The following MSL1 variants were observed in gnomAD, a reference collection of about 807,000 sequenced individuals.
MSL1 encodes MSL complex subunit 1.
In MSL1, 21 loss-of-function variants were observed where a neutral mutation model predicts 64.6. The observed-to-expected ratio is 0.33, with a 90% CI of 0.23 to 0.47. The LOEUF is 0.47. Among genes scored for constraint, MSL1 ranks in the 20% least tolerant of loss-of-function variants. The pLI, the probability that MSL1 is intolerant of heterozygous loss-of-function variation, is 1.00. For synonymous variants in MSL1, 339 were observed against 329.6 expected (o/e 1.03, Z -0.31); for missense variants, 664 against 793.2 (o/e 0.84, Z 1.96).
rs1239011679 is a variant in MSL1, at chr17:40,122,497, G to A, written c.-116G>A. ...CGCGCTAGCGGAGGCCTGCTGCCGC[G>A]CTGCTGAGGCGAGCCCGCCAAACTC... On this transcript the variant is annotated 5_prime_UTR_variant, in exon 1 of 9. Coordinates refer to ENST00000398532, the MANE Select transcript of MSL1 (RefSeq NM_001365919.1). This position sits in a 1 kb window ranked among gnomAD's most constrained non-coding sequence, Gnocchi z 4.2. 2.8e-6 allele frequency: 2 copies of A among 708,210 alleles called. No individual in the cohort carries two copies. Among genetic ancestry groups the A allele is most frequent in the South Asian group, 3.5e-5 (1 of 28,318 alleles). 43.9% of individuals were successfully genotyped at this position (708,210 alleles called of 1,614,324 possible). A position where few individuals can be genotyped will look rare whatever the true frequency, so the allele number is the denominator to read the frequency against.
At chr17:40,130,733 C>A (rs571539009) in intron 3 of MSL1, among the ~76,000 whole-genome samples, 6 of 152,348 alleles carry the variant, frequency 3.9e-5, no homozygotes, top group Admixed American at 3.9e-4. Context: ...GGATCCTGAT[C>A]TAGGTTCAGA....
At position 40,129,238 on chromosome 17, in the gene MSL1, C is replaced by A; in HGVS notation, c.993-7C>A. The A allele has an allele frequency of 6.5e-7, 1 of 1,534,444 alleles. No homozygotes were observed. The highest frequency in any genetic ancestry group is 2.3e-5 in the East Asian group (1 of 43,802). On this transcript the variant is annotated splice_region_variant and splice_polypyrimidine_tract_variant and intron_variant, in intron 2 of 8. Transcript: ENST00000398532. ...AATTTTATAATGTTTTCTTCCCTATCTAATAGGAAATCCCCATTTGGAAGT... is the reference window on the plus strand; with the variant it reads ...AATTTTATAATGTTTTCTTCCCTATATAATAGGAAATCCCCATTTGGAAGT...
rs372766568 is a variant in MSL1, at chr17:40,134,354, G to A, written c.1830G>A (p.Arg610=). ...LEIQKKQTPH[R]TCRK is the part of the protein sequence containing the mutation. ...TCCAGAAGAAGCAAACACCTCACCGGACGTGTAGGAAATAGCTGTGCTGGC... is the reference window on the plus strand; with the variant it reads ...TCCAGAAGAAGCAAACACCTCACCGAACGTGTAGGAAATAGCTGTGCTGGC... The change falls in exon 9 of 9, where the codon CGG becomes CGA. Residue 610 remains arginine, a synonymous_variant. Coordinates refer to ENST00000398532, the MANE Select transcript of MSL1 (RefSeq NM_001365919.1). 5.7e-5 allele frequency: 89 copies of A among 1,554,942 alleles called. No individual in the cohort carries two copies. The highest frequency in any genetic ancestry group is 7.3e-5 in the Non-Finnish European group (84 of 1,148,816).
Position 40,131,586 on chromosome 17 carries a change from T to C in MSL1, c.1423+2T>C. 6.2e-7 allele frequency: 1 copy of C among 1,613,542 alleles called. No individual in the cohort carries two copies. Among genetic ancestry groups the C allele is most frequent in the South Asian group, 1.1e-5 (1 of 91,052 alleles). On this transcript the variant is annotated splice_donor_variant, in intron 4 of 8. Transcript: ENST00000398532. LOFTEE classifies it high-confidence loss of function. The surrounding 1 kb of genome is among the most constrained non-coding windows in gnomAD (Gnocchi z 4.5). ...CAGGAGAAACTTCAGTCTTGGCTGG[T>C]GAGTAGAATAGGAATTGTGCTGGCT... is the stretch of plus-strand genomic sequence containing the variant.
intron 8 of MSL1, 47 bp downstream of exon 8, chr17:40,133,946 T>A: frequency 6.6e-7 from 1 of 1,504,002 alleles, no homozygotes; most frequent in Non-Finnish European, 9.3e-7. Context: ...CTGCACATCC[T>A]TTTCAGACTT....
chr17:40,122,389 C>A lies in MSL1; in HGVS notation c.-224C>A. 3.2e-6 allele frequency: 1 copy of A among 308,452 alleles called. No individual in the cohort carries two copies. The highest frequency in any genetic ancestry group is 5.9e-6 in the Non-Finnish European group (1 of 169,032). The allele number at this position is 308,452 out of a possible 1,614,324, so 19.1% of individuals were successfully genotyped here. On this transcript the variant is annotated 5_prime_UTR_variant, in exon 1 of 9. Coordinates refer to ENST00000398532, the MANE Select transcript of MSL1 (RefSeq NM_001365919.1). The surrounding 1 kb of genome is among the most constrained non-coding windows in gnomAD (Gnocchi z 4.2). ...GGCGGCAGCAGAGGCGGCGGCGAGG[C>A]CCCCATGGGCCGGCGGCGGGCCTCA...
Position 40,133,886 on chromosome 17 carries a change from A to C in MSL1, c.1741A>C (p.Lys581Gln). 6.2e-7 allele frequency: 1 copy of C among 1,613,824 alleles called. No homozygotes were observed. The highest frequency in any genetic ancestry group is 1.1e-5 in the South Asian group (1 of 91,080). Reference protein sequence around the residue: ...PVVAFGRPLPKLTPQNFELPW... With the variant: ...PVVAFGRPLPQLTPQNFELPW... ...TGTAGCATTTGGACGACCATTACCA[A>C]AATTAACTCCACAGTAAGTATACAT... Residue 581 changes from lysine (K) to glutamine (Q), a missense_variant, in exon 8 of 9, where the codon AAA (lysine) becomes CAA (glutamine). By Grantham distance (53) the Lys-to-Gln change is moderately conservative. Transcript: ENST00000398532.
intron 1 of MSL1, among the ~76,000 whole-genome samples, chr17:40,123,964 T>A (rs1175128416): frequency 6.6e-6 from 1 of 152,182 alleles, no homozygotes; most frequent in African/African-American, 2.4e-5. Context: ...GAACCTGAGT[T>A]CTAATACATG....
At position 40,135,838 on chromosome 17, in the gene MSL1, TTTGTG is replaced by T. The variant is rs1011026987; in HGVS notation, c.*1471_*1475del. ...TGATCTTGCTGCTCTTATTTCTCCT[TTTGTG>T]TGTGTGTGTGTGTGTGTGTGGCTAT... On this transcript the variant is annotated 3_prime_UTR_variant, in exon 9 of 9. Coordinates refer to ENST00000398532, the MANE Select transcript of MSL1 (RefSeq NM_001365919.1). 1.5e-4 allele frequency: 22 copies of T among 148,382 alleles called. 1 individual carries two copies. The highest frequency in any genetic ancestry group is 2.5e-4 in the Non-Finnish European group (17 of 67,864). The allele number at this position is 148,382 out of a possible 1,614,324, so 9.2% of individuals were successfully genotyped here.
At chr17:40,126,635 C>T (rs769893659) in intron 2 of MSL1, 94 of 480,520 alleles carry the variant, frequency 2.0e-4, no homozygotes, top group Non-Finnish European at 2.8e-4. Flanking sequence ...TTTGAAACCC[C>T]GTCTCTACTA....
chr17:40,130,668 G>A lies in MSL1; in HGVS notation c.1376-869G>A, dbSNP rs549310974. On this transcript the variant is annotated intron_variant, in intron 3 of 8. Transcript: ENST00000398532. ...ATTAAGTGGGAAAGCTAGATTAGTCGTCTTAATGATCTAACCTCTATTAGG... is the reference window on the plus strand; with the variant it reads ...ATTAAGTGGGAAAGCTAGATTAGTCATCTTAATGATCTAACCTCTATTAGG... 1.7e-4 allele frequency among the ~76,000 whole-genome samples: 26 copies of A among 152,278 alleles called. No homozygotes were observed. In the East Asian group the frequency reaches 2.3e-3, roughly 14 times the overall value.
Position 40,136,490 on chromosome 17 carries a change from G to A in MSL1, c.*2121G>A, listed in dbSNP as rs1449698811. On this transcript the variant is annotated 3_prime_UTR_variant, in exon 9 of 9. Coordinates refer to ENST00000398532, the MANE Select transcript of MSL1 (RefSeq NM_001365919.1). ...ATTACAGTGTGTTAGAGTGTGGGGG[G>A]AAAATTAGTCTTATTTTTCCCTACA... 1 of 152,284 alleles carries A rather than the reference G, an allele frequency of 6.6e-6. No individual in the cohort carries two copies. The highest frequency in any genetic ancestry group is 6.6e-5 in the Admixed American group (1 of 15,260). 9.4% of individuals were successfully genotyped at this position (152,284 alleles called of 1,614,324 possible).
Position 40,125,881 on chromosome 17 carries a change from T to C in MSL1, c.769-302T>C, listed in dbSNP as rs2030379. Among the ~76,000 whole-genome samples the C allele has an allele frequency of 9.0e-3, 1,373 of 152,314 alleles. 20 individuals are homozygous for C. The highest frequency in any genetic ancestry group is 0.032 in the African/African-American group (1,316 of 41,558). The stretch of plus-strand genomic sequence containing the variant: ...ACACAGGTAGCAGTAGCAGAGACCA[T>C]GCCATTAAAAGGCATGTTACGGCCC... On this transcript the variant is annotated intron_variant, in intron 1 of 8. Coordinates refer to ENST00000398532, the MANE Select transcript of MSL1 (RefSeq NM_001365919.1).
In MSL1 at chr17:40,123,391, G is replaced by A; in HGVS notation, c.768+11G>A. The stretch of plus-strand genomic sequence containing the variant: ...TCAGAGAGAGACACGGTACGGGAGG[G>A]GTTAATCTGCATTCGGGCCGAGGAG... On this transcript the variant is annotated intron_variant, in intron 1 of 8. Transcript: ENST00000398532. 1 of 1,534,958 alleles carries A rather than the reference G, an allele frequency of 6.5e-7. No homozygotes were observed. The highest frequency in any genetic ancestry group is 8.7e-7 in the Non-Finnish European group (1 of 1,146,422).
intron 8 of MSL1, 104 bp downstream of exon 8, chr17:40,134,003 C>T (rs1468414133): frequency 7.6e-6 from 8 of 1,058,668 alleles, no homozygotes; most frequent in Non-Finnish European, 1.2e-5. Context: ...TAGGGATAGC[C>T]ATGGGTCTTT....
At position 40,131,945 on chromosome 17, in the gene MSL1, C is replaced by T; in HGVS notation, c.1424-89C>T. Reference sequence around the variant, plus strand: ...TAACTTTGTCTCTTCTGGGGAGAGACCTCTTATCCTAGTGAATAGTTGTGC... The same window carrying T: ...TAACTTTGTCTCTTCTGGGGAGAGATCTCTTATCCTAGTGAATAGTTGTGC... On this transcript the variant is annotated intron_variant, in intron 4 of 8. Transcript: ENST00000398532. The surrounding 1 kb of genome is among the most constrained non-coding windows in gnomAD (Gnocchi z 4.5). The T allele has an allele frequency of 2.2e-6, 2 of 922,268 alleles. No individual in the cohort carries two copies. The highest frequency in any genetic ancestry group is 3.4e-6 in the Non-Finnish European group (2 of 589,362). The allele number at this position is 922,268 out of a possible 1,614,324, so 57.1% of individuals were successfully genotyped here.
intron 2 of MSL1, among the ~76,000 whole-genome samples, chr17:40,127,515 C>A (rs1003943774): frequency 6.6e-6 from 1 of 152,196 alleles, no homozygotes; most frequent in Non-Finnish European, 1.5e-5. Flanking sequence ...GGGTCTCTCT[C>A]TGTCACCCAG....
In MSL1 at chr17:40,132,020, C is replaced by CT; in HGVS notation, c.1424-13dup. On this transcript the variant is annotated splice_polypyrimidine_tract_variant and intron_variant, in intron 4 of 8. Coordinates refer to ENST00000398532, the MANE Select transcript of MSL1 (RefSeq NM_001365919.1). ...ACCCCTCCTCCCTTTCTTTTTCTCT[C>CT]TCTTTTTTTTCAGTTCCTTCTTGGA... 1 of 1,573,482 alleles carries CT rather than the reference C, an allele frequency of 6.4e-7. No individual in the cohort carries two copies. Among genetic ancestry groups the CT allele is most frequent in the Non-Finnish European group, 8.6e-7 (1 of 1,157,358 alleles).
chr17:40,126,131 T>C (rs2145128891), intron 1 of MSL1, 52 bp from the exon 2 acceptor site: 2 of 1,522,708 alleles, frequency 1.3e-6, no homozygotes, highest in South Asian at 2.3e-5. Context: ...TAAGTATCTG[T>C]GTGTTTAATT....
Sources: gnomAD v4.1 joint callset for allele counts (sites outside exome capture counted in the v4.1 genomes callset) on GRCh38, gnomAD v4.1.1 for gene constraint, Gnocchi (gnomAD v3.1) non-coding constraint, MANE v1.5 for transcripts, NCBI Gene and HGNC (gene_info 2026-07-23, HGNC 2026-07-21) for gene names.